Variants in PIK3C2B observed in about 807,000 individuals in gnomAD.
The protein encoded by PIK3C2B is phosphatidylinositol 4-phosphate 3-kinase C2 domain-containing subunit beta.
In PIK3C2B, 83 loss-of-function variants were observed where a neutral mutation model predicts 184.3. The observed-to-expected ratio is 0.45, with a 90% CI of 0.38 to 0.54. PIK3C2B has a LOEUF of 0.54. Among genes scored for constraint, PIK3C2B ranks in the 20% least tolerant of loss-of-function variants. PIK3C2B has a pLI of 0.00. For missense variants in PIK3C2B, 1,736 were observed against 2,113.5 expected (o/e 0.82, Z 3.50); for synonymous variants, 779 against 837.6 (o/e 0.93, Z 1.21).
At chr1:204,462,034 T>C (rs1655376101) in intron 5 of PIK3C2B, among the ~76,000 whole-genome samples, 1 of 152,070 alleles carries the variant, frequency 6.6e-6, no homozygotes, top group Admixed American at 6.5e-5. Context: ...GACAGCATTG[T>C]GCTTTTCTGT....
rs61762614 is a variant in PIK3C2B, at chr1:204,450,207, A to C, written c.2067-190T>G. 6.8e-4 allele frequency: 376 copies of C among 552,392 alleles called. 4 individuals are homozygous for C. The highest frequency in any genetic ancestry group is 6.8e-3 in the African/African-American group (360 of 53,000). 34.2% of individuals were successfully genotyped at this position (552,392 alleles called of 1,614,324 possible). A position where few individuals can be genotyped will look rare whatever the true frequency, so the allele number is the denominator to read the frequency against. On this transcript the variant is annotated intron_variant, in intron 12 of 32. Coordinates refer to ENST00000684373, the MANE Select transcript of PIK3C2B (RefSeq NM_001377334.1). ...CCAAACTAGGCAAAACCCCCACTGG[A>C]TGTTCCCAGAAGCACAATGTGGTGT... is the stretch of plus-strand genomic sequence containing the variant.
chr1:204,433,835 G>A lies in PIK3C2B; in HGVS notation c.3801C>T (p.Leu1267=), dbSNP rs1675202826. 1 of 1,614,204 alleles carries A rather than the reference G, an allele frequency of 6.2e-7. No individual in the cohort carries two copies. The highest frequency in any genetic ancestry group is 8.5e-7 in the Non-Finnish European group (1 of 1,180,022). ...FVDLCCQAYN[L]IRKHTHLFLN... ...GGAAGAGGTGGGTGTGCTTGCGAATGAGGTTGTAGGCTTGGCAGCAAAGGT... is the reference window on the plus strand; with the variant it reads ...GGAAGAGGTGGGTGTGCTTGCGAATAAGGTTGTAGGCTTGGCAGCAAAGGT... Residue 1267 remains leucine (L), a synonymous_variant, in exon 25 of 33, where the codon CTC becomes CTT. Transcript: ENST00000684373. The surrounding 1 kb of genome is among the most constrained non-coding windows in gnomAD (Gnocchi z 5.0).
At position 204,469,618 on chromosome 1, in the gene PIK3C2B, T is replaced by C; in HGVS notation, c.185A>G (p.Glu62Gly). The C allele has an allele frequency of 6.2e-7, 1 of 1,610,012 alleles. No individual in the cohort carries two copies. The highest frequency in any genetic ancestry group is 8.5e-7 in the Non-Finnish European group (1 of 1,177,662). Residue 62 changes from glutamate to glycine, a missense_variant, in exon 2 of 33, where the codon GAG becomes GGG. Coordinates refer to ENST00000684373, the MANE Select transcript of PIK3C2B (RefSeq NM_001377334.1). ...CTTGCTGTAAAAGTCTACCCCAGGC[T>C]CATCCCAGCTGATGAGAGAGGGGTC... The part of the protein sequence containing the change: ...NADPSLISWD[E>G]PGVDFYSKPA...
rs939716634 is a variant in PIK3C2B at position 204,449,905 on chromosome 1, G to A, written c.2179C>T (p.Arg727Trp). The stretch of plus-strand genomic sequence containing the variant: ...CAGCCCAGGGCTTCAGGCACCCGCC[G>A]CTGCTTATTGGCCTCTGAGGAGCTC... The part of the protein sequence containing the change: ...PGSSSEANKQ[R>W]RVPEALGWVT... Residue 727 changes from arginine to tryptophan, a missense_variant, in exon 13 of 33, where the codon CGG becomes TGG. Physicochemically the swap from Arg to Trp is moderately radical, Grantham distance 101. This residue lies in a region of PIK3C2B where 609 missense variants were observed against 699.2 expected (regional missense o/e 0.87). Coordinates refer to ENST00000684373, the MANE Select transcript of PIK3C2B (RefSeq NM_001377334.1). 8.7e-6 allele frequency: 14 copies of A among 1,613,828 alleles called. No individual in the cohort carries two copies. The African/African-American group carries it at 9.3e-5, about 11-fold the overall frequency.
rs1394789816 is a variant in PIK3C2B, at chr1:204,454,663, G to A, written c.2066+6C>T. 4 of 1,611,980 alleles carry A rather than the reference G, an allele frequency of 2.5e-6. No homozygotes were observed. The highest frequency in any genetic ancestry group is 1.1e-5 in the South Asian group (1 of 90,998). ...CTGGGCACTGAAGCCTGGGGGAAGG[G>A]CTTACTGCTGGTCCCAGACGATGAG... On this transcript the variant is annotated splice_donor_region_variant and intron_variant, in intron 12 of 32. Coordinates refer to ENST00000684373, the MANE Select transcript of PIK3C2B (RefSeq NM_001377334.1).
chr1:204,432,276 G>T lies in PIK3C2B; in HGVS notation c.4079C>A (p.Thr1360Asn). Residue 1360 changes from threonine (T) to asparagine (N), a missense_variant, in exon 27 of 33, where the codon ACT becomes AAT. Physicochemically the swap from Thr to Asn is moderately conservative, Grantham distance 65. Transcript: ENST00000684373. ...ACTGATTCGGCCAGAGCTCTTGAGA[G>T]TGTGTGTTCGGGAGGCAAAGGAGAG... ...LTLSFASRTHTLKSSGRISDV... is the reference protein window; with the variant it reads ...LTLSFASRTHNLKSSGRISDV... 1 of 1,614,156 alleles carries T rather than the reference G, an allele frequency of 6.2e-7. No homozygotes were observed. The highest frequency in any genetic ancestry group is 8.5e-7 in the Non-Finnish European group (1 of 1,180,012).
Position 204,447,895 on chromosome 1 carries a change from C to T in PIK3C2B, c.2347-317G>A, listed in dbSNP as rs538755465. Among the ~76,000 whole-genome samples the T allele has an allele frequency of 2.0e-5, 3 of 152,228 alleles. No individual in the cohort carries two copies. Among genetic ancestry groups the T allele is most frequent in the South Asian group, 4.2e-4 (2 of 4,814 alleles). On this transcript the variant is annotated intron_variant, in intron 14 of 32. Transcript: ENST00000684373. This position sits in a 1 kb window ranked among gnomAD's most constrained non-coding sequence, Gnocchi z 4.1. ...ACAGAGGTGTCACCCAGCTGAAACA[C>T]GGGGTGCATCCAGGCTGAGTCCGGG...
rs574546609 is a variant in PIK3C2B at position 204,476,996 on chromosome 1, C to G, written c.-84-7110G>C. On this transcript the variant is annotated intron_variant, in intron 1 of 32. Transcript: ENST00000684373. ...TGCTCTCTTTCTTGCTCTGCTTTAC[C>G]ATTTAAAAGTAAGATGCCCTTTGCA... Among the ~76,000 whole-genome samples the G allele has an allele frequency of 3.3e-5, 5 of 152,324 alleles. No homozygotes were observed. In the South Asian group the frequency reaches 8.3e-4, roughly 25 times the overall value.
chr1:204,469,628 T>C lies in PIK3C2B; in HGVS notation c.175A>G (p.Ser59Gly). Residue 59 changes from serine (S) to glycine (G), a missense_variant, in exon 2 of 33, where the codon AGC becomes GGC. Physicochemically the swap from Ser to Gly is moderately conservative, Grantham distance 56 (BLOSUM62 0). Transcript: ENST00000684373. ...AAGTCTACCCCAGGCTCATCCCAGC[T>C]GATGAGAGAGGGGTCTGCGTTCTGC... ...AKQNADPSLI[S>G]WDEPGVDFYS... 6.2e-7 allele frequency: 1 copy of C among 1,611,922 alleles called. No individual in the cohort carries two copies. Among genetic ancestry groups the C allele is most frequent in the Non-Finnish European group, 8.5e-7 (1 of 1,178,724 alleles).
In PIK3C2B at chr1:204,489,921, A is replaced by G. The variant is rs1227772226; in HGVS notation, c.-85+4435T>C. On this transcript the variant is annotated intron_variant, in intron 1 of 32. Transcript: ENST00000684373. ...TCCTTATAACTTACGGTTTGCTGCAAAGGACGCCATCTAGTATGAGAGAAA... is the reference window on the plus strand; with the variant it reads ...TCCTTATAACTTACGGTTTGCTGCAGAGGACGCCATCTAGTATGAGAGAAA... 27 of 395,998 alleles carry G rather than the reference A, an allele frequency of 6.8e-5. 1 individual carries two copies. Among genetic ancestry groups the G allele is most frequent in the Non-Finnish European group, 1.0e-4 (23 of 225,694 alleles). The allele number at this position is 395,998 out of a possible 1,614,324, so 24.5% of individuals were successfully genotyped here.
rs777491793 is a variant in PIK3C2B, at chr1:204,457,721, C to T, written c.1713+7G>A. Reference sequence around the variant, plus strand: ...CTTTCCCCTGCTAGCACCCTGGGCCCCTTTACCTTCTGAATTTTAGGCTGC... The same window carrying T: ...CTTTCCCCTGCTAGCACCCTGGGCCTCTTTACCTTCTGAATTTTAGGCTGC... On this transcript the variant is annotated splice_region_variant and intron_variant, in intron 9 of 32. Transcript: ENST00000684373. 8 of 1,602,500 alleles carry T rather than the reference C, an allele frequency of 5.0e-6. No homozygotes were observed. Among genetic ancestry groups the T allele is most frequent in the Non-Finnish European group, 6.8e-6 (8 of 1,175,242 alleles).
intron 8 of PIK3C2B, among the ~76,000 whole-genome samples, 194 bp downstream of exon 8, chr1:204,459,684 C>T (rs1200862184): frequency 6.6e-6 from 1 of 152,192 alleles, no homozygotes; most frequent in Non-Finnish European, 1.5e-5. Context: ...GAATCCCTGA[C>T]TACGCACTTG....
At position 204,444,159 on chromosome 1, in the gene PIK3C2B, G is replaced by A; in HGVS notation, c.2776C>T (p.Leu926=). ...LDYLPQLVQA[L]KYECYLDSPL... ...CTGTCCAGGTAGCATTCATACTTCA[G>A]GGCCTGTTTCGGAGAAAGGGAGAAA... Residue 926 remains leucine (L), a synonymous_variant, in exon 18 of 33, where the codon CTG becomes TTG. Transcript: ENST00000684373. 1 of 1,609,874 alleles carries A rather than the reference G, an allele frequency of 6.2e-7. No homozygotes were observed. Among genetic ancestry groups the A allele is most frequent in the Non-Finnish European group, 8.5e-7 (1 of 1,176,032 alleles).
Position 204,443,448 on chromosome 1 carries a change from T to C in PIK3C2B, c.3017A>G (p.Gln1006Arg), listed in dbSNP as rs778968153. Reference protein sequence around the residue: ...LVNALAKLAQQVREAAPSARQ... With the variant: ...LVNALAKLAQRVREAAPSARQ... ...TGCAGATGGGGCTGCCTCCCGGACC[T>C]GCTGGGCCAGTTTGGCCAGGGCATT... is the stretch of plus-strand genomic sequence containing the variant. Residue 1006 changes from glutamine (Q) to arginine (R), a missense_variant, in exon 19 of 33, where the codon CAG (glutamine) becomes CGG (arginine). By Grantham distance (43) the Gln-to-Arg change is conservative. Coordinates refer to ENST00000684373, the MANE Select transcript of PIK3C2B (RefSeq NM_001377334.1). The C allele has an allele frequency of 1.9e-6, 3 of 1,614,192 alleles. No individual in the cohort carries two copies. Among genetic ancestry groups the C allele is most frequent in the African/African-American group, 2.7e-5 (2 of 75,080 alleles).
chr1:204,483,400 A>G (rs1483876291), intron 1 of PIK3C2B, among the ~76,000 whole-genome samples: 3 of 152,084 alleles, frequency 2.0e-5, no homozygotes, highest in African/African-American at 7.2e-5. Flanking sequence ...AAAAAAAAAA[A>G]AAAACGATCT....
At chr1:204,439,223 A>C in intron 22 of PIK3C2B, 152 bp from the exon 23 acceptor site, 1 of 765,648 alleles carries the variant, frequency 1.3e-6, no homozygotes, top group African/African-American at 1.7e-5. Context: ...ATAACCATAG[A>C]AAGGAAGGTC....
At chr1:204,431,946 C>G (rs1459254004) in intron 27 of PIK3C2B, among the ~76,000 whole-genome samples, 153 bp from the exon 28 acceptor site, 5 of 152,166 alleles carry the variant, frequency 3.3e-5, no homozygotes, top group Admixed American at 3.3e-4. Flanking sequence ...AGCACATACA[C>G]AGGAATCTAA....
chr1:204,431,495 GC>G, intron 28 of PIK3C2B, 173 bp downstream of exon 28: 1 of 713,278 alleles, frequency 1.4e-6, no homozygotes, highest in Non-Finnish European at 2.4e-6. Context: ...TGCAAGGAGA[GC>G]TTGGCCAGCA....
intron 22 of PIK3C2B, among the ~76,000 whole-genome samples, chr1:204,439,634 C>A (rs1288171397): frequency 6.6e-6 from 1 of 152,094 alleles, no homozygotes; most frequent in African/African-American, 2.4e-5. Flanking sequence ...TTCTCTCTCT[C>A]TCTCTATATA....
Sources: allele counts gnomAD v4.1 joint callset (sites outside exome capture counted in the v4.1 genomes callset), GRCh38; gene constraint gnomAD v4.1.1; regional missense constraint gnomAD v4.1.1; non-coding constraint Gnocchi (gnomAD v3.1); transcripts MANE v1.5; gene names NCBI Gene and HGNC (gene_info 2026-07-23, HGNC 2026-07-21).